Variants in CTNND2 observed in about 807,000 individuals in gnomAD.
CTNND2 encodes the protein catenin delta 2, also known as catenin delta-2.
CTNND2 carries 22 observed loss-of-function variants against 144.4 expected under a neutral mutation model. The ratio of observed to expected loss-of-function variants is 0.15; its 90% CI spans 0.11 to 0.22. The LOEUF is 0.22. CTNND2 is among the 10% of genes least tolerant of loss of function. The pLI is 1.00. For missense variants in CTNND2, 1,353 were observed against 1,618.8 expected (o/e 0.84, Z 2.82); for synonymous variants, 751 against 695.6 (o/e 1.08, Z -1.25).
chr5:11,777,938 G>A (rs1249873981), intron 1 of CTNND2, among the ~76,000 whole-genome samples: 1 of 152,094 alleles, frequency 6.6e-6, no homozygotes, highest in Non-Finnish European at 1.5e-5. Flanking sequence ...TGGACCTAAA[G>A]TAGTCCCAGA....
chr5:11,372,602 T>C (rs1317288235), intron 7 of CTNND2, among the ~76,000 whole-genome samples: 1 of 152,010 alleles, frequency 6.6e-6, no homozygotes, highest in Non-Finnish European at 1.5e-5. Context: ...TACACAGGGA[T>C]GGTTTGACAC....
intron 2 of CTNND2, among the ~76,000 whole-genome samples, chr5:11,637,923 T>A (rs982591385): frequency 9.2e-5 from 14 of 152,186 alleles, no homozygotes; most frequent in African/African-American, 3.4e-4. Context: ...ATAGGATAAA[T>A]CCCCTTAAGA....
chr5:11,883,786 C>G (rs1736311441), intron 1 of CTNND2, among the ~76,000 whole-genome samples: 1 of 152,196 alleles, frequency 6.6e-6, no homozygotes, highest in Non-Finnish European at 1.5e-5. Flanking sequence ...AACTAATTTA[C>G]ACTCCCAACA....
intron 11 of CTNND2, among the ~76,000 whole-genome samples, chr5:11,173,644 G>A (rs1760169701): frequency 6.6e-6 from 1 of 152,174 alleles, no homozygotes; most frequent in Non-Finnish European, 1.5e-5. Flanking sequence ...GTTTTATAAT[G>A]TTTCATTCCT....
intron 9 of CTNND2, among the ~76,000 whole-genome samples, chr5:11,262,870 C>T (rs925180525): frequency 3.3e-5 from 5 of 151,736 alleles, no homozygotes; most frequent in African/African-American, 1.2e-4. Context: ...TTCTGATTTC[C>T]CTGATCCCCC....
At chr5:11,179,779 T>C (rs748149259) in intron 11 of CTNND2, among the ~76,000 whole-genome samples, 1 of 152,198 alleles carries the variant, frequency 6.6e-6, no homozygotes, top group African/African-American at 2.4e-5. Flanking sequence ...AATATGTAAT[T>C]GGCTTGGAGA....
intron 10 of CTNND2, among the ~76,000 whole-genome samples, chr5:11,227,192 A>T (rs889058324): frequency 6.6e-6 from 1 of 152,216 alleles, no homozygotes; most frequent in African/African-American, 2.4e-5. Context: ...AGATTTCCTT[A>T]TTTATTTTGC....
intron 12 of CTNND2, among the ~76,000 whole-genome samples, chr5:11,156,710 T>A (rs1416351210): frequency 8.2e-6 from 1 of 121,992 alleles, no homozygotes; most frequent in Non-Finnish European, 1.6e-5. Flanking sequence ...GTTGTCTACA[T>A]GAACATCAAA....
chr5:11,792,875 A>G (rs551830643), intron 1 of CTNND2, among the ~76,000 whole-genome samples: 224 of 152,354 alleles, frequency 1.5e-3, no homozygotes, highest in Non-Finnish European at 1.7e-3. Context: ...TCTTGCCAAC[A>G]AAGGCTTAAA....
At chr5:11,333,810 C>T (rs773562972) in intron 9 of CTNND2, among the ~76,000 whole-genome samples, 17 of 152,128 alleles carry the variant, frequency 1.1e-4, no homozygotes, top group Non-Finnish European at 1.9e-4. Flanking sequence ...GCTGTTTGGA[C>T]GTCCTTAGGA....
intron 2 of CTNND2, among the ~76,000 whole-genome samples, chr5:11,728,093 T>C (rs934966671): frequency 2.0e-5 from 3 of 152,220 alleles, no homozygotes; most frequent in Non-Finnish European, 4.4e-5. Context: ...AGATTTTAAA[T>C]GAATCTTTTT....
intron 9 of CTNND2, among the ~76,000 whole-genome samples, chr5:11,344,577 T>G (rs1011407168): frequency 2.0e-5 from 3 of 151,938 alleles, no homozygotes. Context: ...TTCTTTTTTT[T>G]GGGGGGTCTG....
At chr5:11,218,523 T>A (rs1739451998) in intron 10 of CTNND2, among the ~76,000 whole-genome samples, 1 of 152,180 alleles carries the variant, frequency 6.6e-6, no homozygotes, top group African/African-American at 2.4e-5. Flanking sequence ...GTGTGTTCTC[T>A]CAAATAAAGG....
chr5:11,026,356 C>CCT (rs573578167), intron 16 of CTNND2, among the ~76,000 whole-genome samples: 3 of 117,042 alleles, frequency 2.6e-5, no homozygotes, highest in Non-Finnish European at 3.4e-5. Context: ...CCTTCTTCTT[C>CCT]TTTTTTTTTT....
rs1359247474 is a variant in CTNND2 at position 11,830,591 on chromosome 5, C to T, written c.37+73226G>A. On this transcript the variant is annotated intron_variant, in intron 1 of 21. Coordinates refer to ENST00000304623, the MANE Select transcript of CTNND2 (RefSeq NM_001332.4). The stretch of plus-strand genomic sequence containing the variant: ...CACCAGCCATGTGGAACTGTAAGTC[C>T]ATTAAACTCTTTTTCTTGTATAAAT... Among the ~76,000 whole-genome samples, 3 of 152,278 alleles carry T rather than the reference C, an allele frequency of 2.0e-5. No individual in the cohort carries two copies. In the East Asian group the frequency reaches 5.8e-4, roughly 29 times the overall value.
At chr5:11,385,777 G>T (rs1334023090) in intron 6 of CTNND2, 8 of 151,908 alleles carry the variant, frequency 5.3e-5, no homozygotes, top group Non-Finnish European at 1.0e-4. Context: ...TGTTGCTATT[G>T]TCGCGTGGAT....
chr5:11,403,077 G>A (rs994435835), intron 5 of CTNND2, among the ~76,000 whole-genome samples: 3 of 152,090 alleles, frequency 2.0e-5, no homozygotes, highest in African/African-American at 7.2e-5. Context: ...GGATACATGT[G>A]CAGAATGTGC....
intron 9 of CTNND2, among the ~76,000 whole-genome samples, chr5:11,298,039 C>T (rs1008953617): frequency 6.6e-6 from 1 of 152,122 alleles, no homozygotes; most frequent in African/African-American, 2.4e-5. Context: ...CATCACATTT[C>T]AAAGTTAGTA....
intron 3 of CTNND2, among the ~76,000 whole-genome samples, chr5:11,491,911 C>G (rs370027983): frequency 6.6e-6 from 1 of 152,212 alleles, no homozygotes; most frequent in East Asian, 1.9e-4. Context: ...TCTCTAGACA[C>G]TCTGCTGTCA....
Sources: allele counts gnomAD v4.1 joint callset (sites outside exome capture counted in the v4.1 genomes callset), GRCh38; gene constraint gnomAD v4.1.1; transcripts MANE v1.5; gene names NCBI Gene and HGNC (gene_info 2026-07-23, HGNC 2026-07-21).